Variants in PPIF observed in about 807,000 individuals in gnomAD.
PPIF encodes peptidylprolyl isomerase F.
Under a neutral mutation model 20.2 loss-of-function variants are expected in PPIF, and 23 were observed. The observed-to-expected ratio is 1.14, with a 90% CI of 0.82 to 1.61. PPIF has a LOEUF of 1.61. Ranked by LOEUF, PPIF falls within the 40% of genes most tolerant of loss-of-function variation. The pLI is 0.00. For synonymous variants in PPIF, 113 were observed against 123.1 expected (o/e 0.92, Z 0.54); for missense variants, 287 against 291.6 (o/e 0.98, Z 0.11).
Position 79,353,812 on chromosome 10 carries a change from T to G in PPIF, c.594T>G (p.Ile198Met). 2 of 1,614,224 alleles carry G rather than the reference T, an allele frequency of 1.2e-6. No homozygotes were observed. Among genetic ancestry groups the G allele is most frequent in the Non-Finnish European group, 8.5e-7 (1 of 1,180,032 alleles). The part of the protein sequence containing the change: ...GSKSGRTSKK[I>M]VITDCGQLS ...AGAGTGGGAGGACATCCAAGAAGATTGTCATCACAGACTGTGGCCAGTTGA... is the reference window on the plus strand; with the variant it reads ...AGAGTGGGAGGACATCCAAGAAGATGGTCATCACAGACTGTGGCCAGTTGA... The change falls in exon 6 of 6, where the codon ATT (isoleucine) becomes ATG (methionine). Residue 198 changes from isoleucine to methionine, a missense_variant. Physicochemically the swap from Ile to Met is conservative, Grantham distance 10. Transcript: ENST00000225174.
Position 79,351,489 on chromosome 10 carries a change from G to T in PPIF, c.318G>T (p.Ala106=), listed in dbSNP as rs750620678. The change falls in exon 4 of 6, where the codon GCG becomes GCT. Residue 106 remains alanine, a splice_region_variant and synonymous_variant. Transcript: ENST00000225174. ...CAGAAGGTGCTTTGTGCTCACAGGCGGGCGACTTCACCAACCACAATGGCA... is the reference window on the plus strand; with the variant it reads ...CAGAAGGTGCTTTGTGCTCACAGGCTGGCGACTTCACCAACCACAATGGCA... ...HRVIPSFMCQ[A]GDFTNHNGTG... The T allele has an allele frequency of 2.2e-5, 35 of 1,613,754 alleles. No individual in the cohort carries two copies. Among genetic ancestry groups the T allele is most frequent in the Non-Finnish European group, 2.8e-5 (33 of 1,179,902 alleles).
At chr10:79,349,934 A>AC in intron 3 of PPIF, 181 bp downstream of exon 3, 1 of 1,334,998 alleles carries the variant, frequency 7.5e-7, no homozygotes, top group Non-Finnish European at 1.0e-6. Context: ...CCCAGCCCCA[A>AC]CCCGCTGCCA....
At chr10:79,348,263 C>A (rs1037073102) in intron 1 of PPIF, among the ~76,000 whole-genome samples, 4 of 152,132 alleles carry the variant, frequency 2.6e-5, no homozygotes, top group African/African-American at 9.7e-5. Flanking sequence ...CAGTAGGCCT[C>A]AGGCCCCGGC....
In PPIF at chr10:79,353,753, G is replaced by A; in HGVS notation, c.535G>A (p.Asp179Asn). The change falls in exon 6 of 6, where the codon GAC (aspartate) becomes AAC (asparagine). Residue 179 changes from aspartate (D) to asparagine (N), a missense_variant. Asp to Asn is a conservative substitution (Grantham distance 23, BLOSUM62 1). Coordinates refer to ENST00000225174, the MANE Select transcript of PPIF (RefSeq NM_005729.4). ...VVFGHVKEGM[D>N]VVKKIESFGS... is the part of the protein sequence containing the mutation. ...GTTCGGTCACGTCAAAGAGGGCATG[G>A]ACGTCGTGAAGAAAATAGAATCTTT... The A allele has an allele frequency of 6.2e-7, 1 of 1,614,264 alleles. No homozygotes were observed. Among genetic ancestry groups the A allele is most frequent in the Non-Finnish European group, 8.5e-7 (1 of 1,180,056 alleles).
chr10:79,349,894 C>G (rs1855958126), intron 3 of PPIF, 141 bp downstream of exon 3: 1 of 1,479,198 alleles, frequency 6.8e-7, no homozygotes, highest in Non-Finnish European at 9.0e-7. Flanking sequence ...CTGCATTAGC[C>G]CTGTATCCAG....
intron 1 of PPIF, among the ~76,000 whole-genome samples, chr10:79,348,155 G>C (rs1234295740): frequency 6.6e-6 from 1 of 151,812 alleles, no homozygotes; most frequent in African/African-American, 2.4e-5. Flanking sequence ...TGCACAACAC[G>C]GAGCGCTTCC....
chr10:79,350,661 G>C (rs1316312), intron 3 of PPIF, among the ~76,000 whole-genome samples: 95,663 of 152,160 alleles, frequency 0.63, 31,657 homozygotes, highest in African/African-American at 0.83. Context: ...CTGAGCCAGG[G>C]TGGGAACTCC....
In PPIF at chr10:79,349,698, G is replaced by A. The variant is rs1270912480; in HGVS notation, c.260G>A (p.Gly87Asp). ...NFRALCTGEK[G>D]FGYKGSTFHR... ...AGAGCCCTGTGCACTGGTGAGAAGG[G>A]CTTCGGCTACAAAGGCTCCACCTTC... Residue 87 changes from glycine (G) to aspartate (D), a missense_variant, in exon 3 of 6, where the codon GGC becomes GAC. Physicochemically the swap from Gly to Asp is moderately conservative, Grantham distance 94. Coordinates refer to ENST00000225174, the MANE Select transcript of PPIF (RefSeq NM_005729.4). 1.2e-6 allele frequency: 2 copies of A among 1,613,762 alleles called. No homozygotes were observed. The highest frequency in any genetic ancestry group is 2.7e-5 in the African/African-American group (2 of 74,928).
At chr10:79,349,168 G>A (rs1855943342) in intron 2 of PPIF, 62 bp downstream of exon 2, 3 of 1,613,036 alleles carry the variant, frequency 1.9e-6, no homozygotes, top group African/African-American at 1.3e-5. Flanking sequence ...GGCAGGGCAA[G>A]GTGGGTGGCG....
In PPIF at chr10:79,348,964, C is replaced by T. The variant is rs571043575; in HGVS notation, c.196-112C>T. 56 of 1,608,376 alleles carry T rather than the reference C, an allele frequency of 3.5e-5. No homozygotes were observed. In the African/African-American group the frequency reaches 7.1e-4, roughly 20 times the overall value. On this transcript the variant is annotated intron_variant, in intron 1 of 5. Coordinates refer to ENST00000225174, the MANE Select transcript of PPIF (RefSeq NM_005729.4). ...ATAATGGGAATGGAATGTCCACGTG[C>T]TTCTTCCTTAGCCTCCTTGGCCACT...
Position 79,354,129 on chromosome 10 carries a change from G to A in PPIF, c.*287G>A. 2.3e-6 allele frequency: 1 copy of A among 438,034 alleles called. No homozygotes were observed. Among genetic ancestry groups the A allele is most frequent in the East Asian group, 4.3e-5 (1 of 23,114 alleles). The allele number at this position is 438,034 out of a possible 1,614,324, so 27.1% of individuals were successfully genotyped here. ...GATTGCCCAGCCCAGATTCATCTGTGCCTTGGACATGGTGATGGTGATGGG... is the reference window on the plus strand; with the variant it reads ...GATTGCCCAGCCCAGATTCATCTGTACCTTGGACATGGTGATGGTGATGGG... On this transcript the variant is annotated 3_prime_UTR_variant, in exon 6 of 6. Coordinates refer to ENST00000225174, the MANE Select transcript of PPIF (RefSeq NM_005729.4).
chr10:79,348,520 G>C (rs7916151), intron 1 of PPIF, among the ~76,000 whole-genome samples: 1,970 of 152,274 alleles, frequency 0.013, 43 homozygotes, highest in African/African-American at 0.045. Context: ...TGACTGGCCC[G>C]TATCCCAGGG....
intron 1 of PPIF, among the ~76,000 whole-genome samples, chr10:79,348,320 C>T (rs1250433261): frequency 5.9e-5 from 9 of 152,222 alleles, no homozygotes; most frequent in Admixed American, 5.9e-4. Flanking sequence ...GGGACACACT[C>T]AGAGACAGTG....
intron 1 of PPIF, among the ~76,000 whole-genome samples, chr10:79,348,800 C>T (rs1855936692): frequency 6.6e-6 from 1 of 152,208 alleles, no homozygotes; most frequent in African/African-American, 2.4e-5. Flanking sequence ...GGAGCACTGC[C>T]AGCTGTGTCC....
chr10:79,351,658 A>T, intron 4 of PPIF, 75 bp downstream of exon 4: 1 of 1,374,450 alleles, frequency 7.3e-7, no homozygotes, highest in South Asian at 1.2e-5. Flanking sequence ...AGGCCCTGAG[A>T]GGCCACATGC....
rs875427 is a variant in PPIF at position 79,352,268 on chromosome 10, G to A, written c.413-49G>A. The A allele has an allele frequency of 7.5e-3, 11,683 of 1,549,732 alleles. 787 individuals are homozygous for A. In the African/African-American group the frequency reaches 0.14, roughly 19 times the overall value. On this transcript the variant is annotated intron_variant, in intron 4 of 5. Coordinates refer to ENST00000225174, the MANE Select transcript of PPIF (RefSeq NM_005729.4). Reference sequence around the variant, plus strand: ...GTCTGCCCTTTCAAATGCCCTCCCAGGCAGGTGCCTCCAGGGGCAGCGTGG... The same window carrying A: ...GTCTGCCCTTTCAAATGCCCTCCCAAGCAGGTGCCTCCAGGGGCAGCGTGG...
intron 3 of PPIF, 161 bp downstream of exon 3, chr10:79,349,914 C>T: frequency 1.4e-6 from 2 of 1,420,792 alleles, no homozygotes; most frequent in Non-Finnish European, 1.9e-6. Flanking sequence ...GGCTTCACTG[C>T]ACATGGAAGC....
intron 3 of PPIF, 133 bp from the exon 4 acceptor site, chr10:79,351,354 G>T: frequency 1.7e-6 from 1 of 574,834 alleles, no homozygotes. Flanking sequence ...TATTTTATTG[G>T]ATGTTTATTG....
chr10:79,354,193 GA>G lies in PPIF; in HGVS notation c.*352del, dbSNP rs1856019374. 3.4e-6 allele frequency: 1 copy of G among 290,760 alleles called. No individual in the cohort carries two copies. The highest frequency in any genetic ancestry group is 4.8e-5 in the Admixed American group (1 of 21,048). The allele number at this position is 290,760 out of a possible 1,614,324, so 18.0% of individuals were successfully genotyped here. On this transcript the variant is annotated 3_prime_UTR_variant, in exon 6 of 6. Coordinates refer to ENST00000225174, the MANE Select transcript of PPIF (RefSeq NM_005729.4). ...GAAAGTCTTTTCCTTGACCAAGGGG[GA>G]CAGTCAGTTTTGCAAAAGGACTCTA...
Sources: gnomAD v4.1 joint callset for allele counts (sites outside exome capture counted in the v4.1 genomes callset) on GRCh38, gnomAD v4.1.1 for gene constraint, MANE v1.5 for transcripts, NCBI Gene and HGNC (gene_info 2026-07-23, HGNC 2026-07-21) for gene names.